IFT140: variants seen among roughly 807,000 people sequenced by gnomAD.
IFT140 encodes the protein intraflagellar transport 140, also known as intraflagellar transport protein 140 homolog.
Under a neutral mutation model 164.6 loss-of-function variants are expected in IFT140, and 133 were observed. The ratio of observed to expected loss-of-function variants is 0.81; its 90% CI spans 0.70 to 0.93. IFT140 has a LOEUF of 0.93. IFT140 is among the 40% of genes least tolerant of loss of function. The probability of loss-of-function intolerance (pLI) is 0.00; values close to 1 mark genes in which losing one functional copy is unlikely to be tolerated. For missense variants in IFT140, 2,045 were observed against 1,972.3 expected, an observed-to-expected ratio of 1.04 and a Z score of -0.70; for synonymous variants, 860 against 817.3, an observed-to-expected ratio of 1.05 and a Z score of -0.89.
intron 19 of IFT140, among the ~76,000 whole-genome samples, chr16:1,528,363 A>G (rs1017019714): frequency 7.3e-5 from 11 of 150,202 alleles, no homozygotes; most frequent in South Asian, 2.1e-4. Context: ...GCACGTGTGC[A>G]CACACACGCA....
chr16:1,522,558 C>T (rs1240830552), intron 26 of IFT140, among the ~76,000 whole-genome samples: 2 of 151,248 alleles, frequency 1.3e-5, no homozygotes, highest in Non-Finnish European at 3.0e-5. Flanking sequence ...GAGAATATGT[C>T]GGCCAAGCAT....
intron 4 of IFT140, among the ~76,000 whole-genome samples, chr16:1,594,127 C>T (rs2141940085): frequency 6.6e-6 from 1 of 152,342 alleles, no homozygotes; most frequent in South Asian, 2.1e-4. Context: ...TAGTTGGCCT[C>T]TCTGTCCCTT....
At chr16:1,600,615 C>A (rs923662088) in intron 4 of IFT140, among the ~76,000 whole-genome samples, 1 of 152,014 alleles carries the variant, frequency 6.6e-6, no homozygotes, top group Non-Finnish European at 1.5e-5. Context: ...TAAAGAAGAG[C>A]CGGTTTAAAG....
chr16:1,583,056 T>C (rs1343769814), intron 12 of IFT140, among the ~76,000 whole-genome samples: 1 of 152,114 alleles, frequency 6.6e-6, no homozygotes, highest in Non-Finnish European at 1.5e-5. Context: ...TTTCAGAAGA[T>C]GGGAGGCAGC....
intron 13 of IFT140, 87 bp downstream of exon 13, chr16:1,580,672 G>C: frequency 1.1e-6 from 1 of 880,756 alleles, no homozygotes; most frequent in Non-Finnish European, 1.9e-6. Context: ...ATAACCTTAG[G>C]TGAAATCAAT....
At position 1,604,862 on chromosome 16, in the gene IFT140, G is replaced by C. The variant is rs1287652427; in HGVS notation, c.147+2258C>G. ...CAGTCATGCCCAGGTTCTTGTTCTA[G>C]AAACCAGGATAAAGGGGGTGACTTT... On this transcript the variant is annotated intron_variant, in intron 3 of 30. Coordinates refer to ENST00000426508, the MANE Select transcript of IFT140 (RefSeq NM_014714.4). 2.0e-5 allele frequency among the ~76,000 whole-genome samples: 3 copies of C among 152,096 alleles called. No homozygotes were observed. The East Asian group carries it at 5.8e-4, about 29-fold the overall frequency.
chr16:1,519,537 C>G (rs1361787059), intron 29 of IFT140, among the ~76,000 whole-genome samples: 1 of 152,130 alleles, frequency 6.6e-6, no homozygotes, highest in Non-Finnish European at 1.5e-5. Context: ...CCAGGTCACA[C>G]AGCGGCACTC....
Position 1,553,334 on chromosome 16 carries a change from C to A in IFT140, c.2399+4601G>T. ...TGTCTCTGTGTCTCTGTCCCTGTGT[C>A]TCTTTTTCTCCCATCCTCTCTCGAT... On this transcript the variant is annotated intron_variant, in intron 19 of 30. Coordinates refer to ENST00000426508, the MANE Select transcript of IFT140 (RefSeq NM_014714.4). The surrounding 1 kb of genome is among the most constrained non-coding windows in gnomAD (Gnocchi z 4.4). 1.0e-6 allele frequency: 1 copy of A among 985,380 alleles called. No individual in the cohort carries two copies. Among genetic ancestry groups the A allele is most frequent in the Non-Finnish European group, 1.2e-6 (1 of 829,924 alleles). The allele number at this position is 985,380 out of a possible 1,614,324, so 61.0% of individuals were successfully genotyped here. A position where few individuals can be genotyped will look rare whatever the true frequency, so the allele number is the denominator to read the frequency against.
rs2032850064 is a variant in IFT140 at position 1,553,529 on chromosome 16, A to G, written c.2399+4406T>C. The G allele has an allele frequency of 3.0e-6, 3 of 994,940 alleles. No homozygotes were observed. In the South Asian group the frequency reaches 1.3e-4, roughly 45 times the overall value. 61.6% of individuals were successfully genotyped at this position (994,940 alleles called of 1,614,324 possible). A position where few individuals can be genotyped will look rare whatever the true frequency, so the allele number is the denominator to read the frequency against. On this transcript the variant is annotated intron_variant, in intron 19 of 30. Coordinates refer to ENST00000426508, the MANE Select transcript of IFT140 (RefSeq NM_014714.4). This position sits in a 1 kb window ranked among gnomAD's most constrained non-coding sequence, Gnocchi z 4.4. ...CGGAGCCTGGGGAGGGACATGGACA[A>G]GTCCTCTATGGACAAGAGGGGCTGG...
rs987425867 is a variant in IFT140 at position 1,544,797 on chromosome 16, C to T, written c.2399+13138G>A. On this transcript the variant is annotated intron_variant, in intron 19 of 30. Transcript: ENST00000426508. ...CCGAGTAGCTGGGACTACAGGCACC[C>T]GCCACCACGCCTGGCTAATTTTTTG... Among the ~76,000 whole-genome samples, 9 of 151,010 alleles carry T rather than the reference C, an allele frequency of 6.0e-5. No homozygotes were observed. In the South Asian group the frequency reaches 6.3e-4, roughly 11 times the overall value.
intron 30 of IFT140, among the ~76,000 whole-genome samples, chr16:1,515,758 G>T (rs1406370878): frequency 1.3e-5 from 2 of 152,212 alleles, no homozygotes; most frequent in Non-Finnish European, 2.9e-5. Context: ...ATACATTTCA[G>T]ATTAACGAAA....
chr16:1,519,949 G>A lies in IFT140; in HGVS notation c.3972C>T (p.Asp1324=), dbSNP rs778241157. Residue 1324 remains aspartate, a synonymous_variant, in exon 29 of 31, where the codon GAC becomes GAT. Coordinates refer to ENST00000426508, the MANE Select transcript of IFT140 (RefSeq NM_014714.4). ...LAKAKAKSPL[D]QETRLAQLQS... Reference sequence around the variant, plus strand: ...GCAGCTGCGCCAGCCTGGTCTCCTGGTCCAGGGGGCTCTTGGCCTTGGCCT... The same window carrying A: ...GCAGCTGCGCCAGCCTGGTCTCCTGATCCAGGGGGCTCTTGGCCTTGGCCT... 3.1e-6 allele frequency: 5 copies of A among 1,606,150 alleles called. No homozygotes were observed. In the Admixed American group the frequency reaches 8.6e-5, roughly 28 times the overall value.
rs2040129872 is a variant in IFT140 at position 1,511,092 on chromosome 16, T to C, written c.4241A>G (p.Tyr1414Cys). Residue 1414 changes from tyrosine (Y) to cysteine (C), a missense_variant, in exon 31 of 31, where the codon TAC (tyrosine) becomes TGC (cysteine). Coordinates refer to ENST00000426508, the MANE Select transcript of IFT140 (RefSeq NM_014714.4). ...GGCGTCCACGGCCTGCGGGCTCACGTAGTAGGACATGTTGGCCAAGGGAAG... is the reference window on the plus strand; with the variant it reads ...GGCGTCCACGGCCTGCGGGCTCACGCAGTAGGACATGTTGGCCAAGGGAAG... Reference protein sequence around the residue: ...RRLPLANMSYYVSPQAVDAVH... With the variant: ...RRLPLANMSYCVSPQAVDAVH... The C allele has an allele frequency of 1.9e-6, 3 of 1,610,664 alleles. No homozygotes were observed. Among genetic ancestry groups the C allele is most frequent in the Admixed American group, 1.7e-5 (1 of 59,736 alleles).
chr16:1,526,006 G>A lies in IFT140; in HGVS notation c.2649C>T (p.Gly883=), dbSNP rs747272768. The change falls in exon 21 of 31, where the codon GGC becomes GGT. Residue 883 remains glycine (G), a synonymous_variant. Transcript: ENST00000426508. ...CTACCTGGAGGGCCTCCTGCCACCG[G>A]CCCGCAGCCTGGTAGAACTTGTTCA... ...DLLNKFYQAA[G]RWQEALQVAE... 2 of 1,600,786 alleles carry A rather than the reference G, an allele frequency of 1.2e-6. No individual in the cohort carries two copies. The highest frequency in any genetic ancestry group is 2.3e-5 in the East Asian group (1 of 44,158).
intron 19 of IFT140, chr16:1,534,630 C>G (rs1432253095): frequency 6.3e-7 from 1 of 1,584,798 alleles, no homozygotes; most frequent in Non-Finnish European, 8.5e-7. Context: ...TAGGCGCGGA[C>G]CTGGTGAGCG....
intron 11 of IFT140, 98 bp downstream of exon 11, chr16:1,584,119 G>C (rs1258122264): frequency 4.2e-6 from 4 of 955,692 alleles, no homozygotes; most frequent in Middle Eastern, 3.1e-4. Context: ...ACTGAGAGTG[G>C]CCTAACCTGC....
chr16:1,568,329 G>C lies in IFT140; in HGVS notation c.1658C>G (p.Ala553Gly). ...GCTCCTGCAGCTACAGTGTGCTTTG[G>C]CCTCTCTGCAGGGAGGAAGAGGGAC... is the stretch of plus-strand genomic sequence containing the variant. The part of the protein sequence containing the change: ...FKSFDLSRRE[A>G]KAHCSCRSLA... Residue 553 changes from alanine to glycine, a missense_variant, in exon 15 of 31, where the codon GCC becomes GGC. Ala to Gly is a moderately conservative substitution (Grantham distance 60). Transcript: ENST00000426508. 6.2e-7 allele frequency: 1 copy of C among 1,613,390 alleles called. No individual in the cohort carries two copies. The highest frequency in any genetic ancestry group is 8.5e-7 in the Non-Finnish European group (1 of 1,179,774).
chr16:1,542,875 G>T (rs970413372), intron 19 of IFT140, among the ~76,000 whole-genome samples: 1 of 152,252 alleles, frequency 6.6e-6, no homozygotes, highest in Admixed American at 6.5e-5. Flanking sequence ...ACCTGGGACA[G>T]GTCTTGAGAA....
rs537148062 is a variant in IFT140 at position 1,519,168 on chromosome 16, G to A, written c.4040+713C>T. Among the ~76,000 whole-genome samples, 49 of 152,354 alleles carry A rather than the reference G, an allele frequency of 3.2e-4. 1 individual carries two copies. The South Asian group carries it at 9.7e-3, about 30-fold the overall frequency. Reference sequence around the variant, plus strand: ...TACCCCAGAATCGACACGTGCAGGTGGACCGTGCCCTTCCAAGGGGCACCG... The same window carrying A: ...TACCCCAGAATCGACACGTGCAGGTAGACCGTGCCCTTCCAAGGGGCACCG... On this transcript the variant is annotated intron_variant, in intron 29 of 30. Coordinates refer to ENST00000426508, the MANE Select transcript of IFT140 (RefSeq NM_014714.4).
Sources: allele counts gnomAD v4.1 joint callset (sites outside exome capture counted in the v4.1 genomes callset), GRCh38; gene constraint gnomAD v4.1.1; non-coding constraint Gnocchi (gnomAD v3.1); transcripts MANE v1.5; gene names NCBI Gene and HGNC (gene_info 2026-07-23, HGNC 2026-07-21).